DIMT1: variants seen among roughly 807,000 people sequenced by gnomAD.
DIMT1 encodes dimethyladenosine transferase.
Under a neutral mutation model 43.2 loss-of-function variants are expected in DIMT1, and 36 were observed. The ratio of observed to expected loss-of-function variants is 0.83; its 90% CI spans 0.64 to 1.10. The LOEUF (loss-of-function observed/expected upper bound fraction) is 1.10. DIMT1 is among the 50% of genes least tolerant of loss of function. The pLI is 0.00. For missense variants in DIMT1, 341 were observed against 385.3 expected, an observed-to-expected ratio of 0.88 and a Z score of 0.96; for synonymous variants, 126 against 130.3, an observed-to-expected ratio of 0.97 and a Z score of 0.22.
intron 9 of DIMT1, chr5:62,392,677 T>TA (rs1242005333): frequency 2.5e-5 from 10 of 401,862 alleles, no homozygotes; most frequent in Admixed American, 8.6e-5. Context: ...CTAGAGCAGA[T>TA]ATATGGTCAG....
At chr5:62,391,992 C>T (rs763349580) in intron 10 of DIMT1, 179 bp downstream of exon 10, 205 of 1,542,154 alleles carry the variant, frequency 1.3e-4, no homozygotes, top group Non-Finnish European at 1.7e-4. Context: ...TCACAGGATA[C>T]ACAGCAGCAC....
In DIMT1 at chr5:62,402,101, C is replaced by A. The variant is rs765130057; in HGVS notation, c.175G>T (p.Val59Leu). 4 of 1,613,870 alleles carry A rather than the reference C, an allele frequency of 2.5e-6. No individual in the cohort carries two copies. The South Asian group carries it at 4.4e-5, about 18-fold the overall frequency. ...GTTCCAGGTCCAACTTCCAGCACTA[C>A]ATCAGTTGGTCTTAAGGCAGCCTAA... ...IDKAALRPTD[V>L]VLEVGPGTGN... The change falls in exon 3 of 12, where the codon GTA (valine) becomes TTA (leucine). Residue 59 changes from valine to leucine, a missense_variant. Val to Leu is a conservative substitution (Grantham distance 32). Transcript: ENST00000199320.
At chr5:62,400,295 T>A (rs1742654485) in intron 3 of DIMT1, among the ~76,000 whole-genome samples, 1 of 152,194 alleles carries the variant, frequency 6.6e-6, no homozygotes, top group African/African-American at 2.4e-5. Context: ...TTGCCCAGGC[T>A]GGAGTGAAGT....
At chr5:62,392,056 T>G in intron 10 of DIMT1, 115 bp downstream of exon 10, 1 of 1,585,558 alleles carries the variant, frequency 6.3e-7, no homozygotes, top group Non-Finnish European at 8.6e-7. Flanking sequence ...ATATATTGTC[T>G]TTTAAGGATC....
At chr5:62,390,393 C>A (rs1742249176) in intron 11 of DIMT1, among the ~76,000 whole-genome samples, 1 of 152,100 alleles carries the variant, frequency 6.6e-6, no homozygotes, top group African/African-American at 2.4e-5. Flanking sequence ...CTGTATTATT[C>A]CTAAATGGAT....
At chr5:62,396,189 A>AT (rs1369957769) in intron 6 of DIMT1, among the ~76,000 whole-genome samples, 1 of 141,576 alleles carries the variant, frequency 7.1e-6, no homozygotes, top group East Asian at 2.1e-4. Flanking sequence ...CCCTTTCAAG[A>AT]TTTTTTAAGA....
chr5:62,392,714 CA>C (rs1315984477), intron 9 of DIMT1: 4 of 436,622 alleles, frequency 9.2e-6, no homozygotes, highest in East Asian at 3.7e-5. Context: ...CCTGTTTTGC[CA>C]AAAAATGTGA....
intron 6 of DIMT1, among the ~76,000 whole-genome samples, chr5:62,396,688 T>C (rs247263): frequency 0.22 from 33,975 of 152,046 alleles, 3,938 homozygotes; most frequent in Middle Eastern, 0.29. Context: ...TAGCTAACTT[T>C]CTCAAAACAC....
At chr5:62,399,076 A>T (rs1396922047) in intron 3 of DIMT1, among the ~76,000 whole-genome samples, 195 bp from the exon 4 acceptor site, 2 of 152,226 alleles carry the variant, frequency 1.3e-5, no homozygotes, top group Non-Finnish European at 2.9e-5. Context: ...TCACGCCTGT[A>T]ATCCCAGCAC....
rs770284708 is a variant in DIMT1 at position 62,393,995 on chromosome 5, C to T, written c.623G>A (p.Arg208Lys). The change falls in exon 8 of 12, where the codon AGG becomes AAG. Residue 208 changes from arginine to lysine, a missense_variant. Physicochemically the swap from Arg to Lys is conservative, Grantham distance 26. Transcript: ENST00000199320. The stretch of plus-strand genomic sequence containing the variant: ...TGGTGGTGGATTCTTAGGTTCTATC[C>T]TTACAACACTGGATTCCACCTTGGG... ...PPPKVESSVV[R>K]IEPKNPPPPI... 1.2e-6 allele frequency: 2 copies of T among 1,611,680 alleles called. No homozygotes were observed. The highest frequency in any genetic ancestry group is 1.7e-6 in the Non-Finnish European group (2 of 1,179,336).
intron 9 of DIMT1, 123 bp from the exon 10 acceptor site, chr5:62,392,357 TTAAA>T: frequency 1.3e-6 from 1 of 748,794 alleles, no homozygotes; most frequent in Non-Finnish European, 2.2e-6. Flanking sequence ...TTAGATGAAA[TTAAA>T]TCTATATTCT....
intron 2 of DIMT1, 27 bp downstream of exon 2, chr5:62,403,246 T>A (rs758911734): frequency 6.3e-7 from 1 of 1,598,880 alleles, no homozygotes; most frequent in East Asian, 2.2e-5. Context: ...AACCAACAAC[T>A]CTCTCCCTTT....
Position 62,392,243 on chromosome 5 carries a change from T to C in DIMT1, c.729-9A>G. On this transcript the variant is annotated splice_polypyrimidine_tract_variant and intron_variant, in intron 9 of 11. Transcript: ENST00000199320. ...GTTGCACTGCACTTGATCTATAGCA[T>C]AAAGAAGTGATGCCACTGTTATTAT... The C allele has an allele frequency of 6.2e-7, 1 of 1,610,092 alleles. No homozygotes were observed. Among genetic ancestry groups the C allele is most frequent in the Non-Finnish European group, 8.5e-7 (1 of 1,178,472 alleles).
intron 3 of DIMT1, 88 bp downstream of exon 3, chr5:62,401,948 C>T: frequency 7.9e-7 from 1 of 1,258,598 alleles, no homozygotes; most frequent in Non-Finnish European, 1.1e-6. Flanking sequence ...AAAATAATAG[C>T]AATTAGTTAA....
intron 3 of DIMT1, among the ~76,000 whole-genome samples, chr5:62,400,561 T>A (rs1184535967): frequency 6.6e-6 from 1 of 151,528 alleles, no homozygotes; most frequent in Non-Finnish European, 1.5e-5. Flanking sequence ...CCTTTTTATT[T>A]TTTATAGAGA....
intron 1 of DIMT1, among the ~76,000 whole-genome samples, 161 bp downstream of exon 1, chr5:62,403,533 G>C (rs1368510217): frequency 6.6e-6 from 1 of 152,246 alleles, no homozygotes; most frequent in Non-Finnish European, 1.5e-5. Flanking sequence ...GCGGCGACGC[G>C]CAGGGCCTGC....
At chr5:62,403,414 A>G in intron 1 of DIMT1, 68 bp from the exon 2 acceptor site, 1 of 1,450,662 alleles carries the variant, frequency 6.9e-7, no homozygotes. Context: ...ACCAGAGAAG[A>G]AAGCTGCATG....
rs754090477 is a variant in DIMT1 at position 62,393,939 on chromosome 5, A to C, written c.663+16T>G. ...TTTTTTTTCCTTTATTGAATGAGCT[A>C]GTATTTTAACCTCACCTGAAAATTG... On this transcript the variant is annotated intron_variant, in intron 8 of 11. Coordinates refer to ENST00000199320, the MANE Select transcript of DIMT1 (RefSeq NM_014473.4). 2 of 1,596,208 alleles carry C rather than the reference A, an allele frequency of 1.3e-6. No homozygotes were observed. The highest frequency in any genetic ancestry group is 1.7e-6 in the Non-Finnish European group (2 of 1,174,796).
Position 62,400,444 on chromosome 5 carries a change from GTCTC to G in DIMT1, c.241-1567_241-1564del, listed in dbSNP as rs1208103112. Among the ~76,000 whole-genome samples, 7 of 152,050 alleles carry G rather than the reference GTCTC, an allele frequency of 4.6e-5. No homozygotes were observed. The East Asian group carries it at 1.2e-3, about 25-fold the overall frequency. The stretch of plus-strand genomic sequence containing the variant: ...CTTTCTTTATTTTTAATAGAGACGG[GTCTC>G]TCTATGTTGCCCGGGCTGGTCTCAA... On this transcript the variant is annotated intron_variant, in intron 3 of 11. Transcript: ENST00000199320.
Sources: allele counts gnomAD v4.1 joint callset (sites outside exome capture counted in the v4.1 genomes callset), GRCh38; gene constraint gnomAD v4.1.1; transcripts MANE v1.5; gene names NCBI Gene and HGNC (gene_info 2026-07-23, HGNC 2026-07-21).